Variants in SKOR2 observed in about 807,000 individuals in gnomAD.
The protein encoded by SKOR2 is LBX1 corepressor 1-like protein.
In SKOR2, 47 loss-of-function variants were observed where a neutral mutation model predicts 69.1. The observed-to-expected ratio is 0.68, with a 90% CI of 0.54 to 0.87. The LOEUF (loss-of-function observed/expected upper bound fraction) is 0.87. Ranked by LOEUF, SKOR2 falls within the 40% of genes least tolerant of loss-of-function variation. The probability of loss-of-function intolerance (pLI) is 0.00; values close to 1 mark genes in which losing one functional copy is unlikely to be tolerated. For synonymous variants in SKOR2, 717 were observed against 672.6 expected (o/e 1.07, Z -1.02); for missense variants, 1,404 against 1,472.2 (o/e 0.95, Z 0.76).
At chr18:47,209,508 A>T (rs1203824828) in intron 8 of SKOR2, among the ~76,000 whole-genome samples, 1 of 152,224 alleles carries the variant, frequency 6.6e-6, no homozygotes, top group Admixed American at 6.5e-5. Context: ...TTAGCTAAGC[A>T]TTTAAGTAAC....
At chr18:47,244,049 A>T (rs556341388) in intron 4 of SKOR2, among the ~76,000 whole-genome samples, 112 of 152,364 alleles carry the variant, frequency 7.4e-4, no homozygotes, top group African/African-American at 2.5e-3. Flanking sequence ...GCCTTTTGCC[A>T]TTAAAAATAT....
rs2064114072 is a variant in SKOR2 at position 47,206,668 on chromosome 18, A to C, written c.*228T>G. ...CCACCAAAAGATGCAACAAGCATTG[A>C]CTGCTCTGGTTGGCTCCCCCCTCCC... On this transcript the variant is annotated 3_prime_UTR_variant, in exon 9 of 9. Transcript: ENST00000425639. 6.6e-6 allele frequency: 1 copy of C among 152,444 alleles called. No homozygotes were observed. The highest frequency in any genetic ancestry group is 1.5e-5 in the Non-Finnish European group (1 of 68,270). The allele number at this position is 152,444 out of a possible 1,614,324, so 9.4% of individuals were successfully genotyped here. A position where few individuals can be genotyped will look rare whatever the true frequency, so the allele number is the denominator to read the frequency against.
chr18:47,251,270 C>A (rs1461452917), intron 1 of SKOR2, 104 bp downstream of exon 1: 1 of 152,324 alleles, frequency 6.6e-6, no homozygotes, highest in Non-Finnish European at 1.5e-5. Context: ...CACGGAAGCC[C>A]ACCGCTGCCC....
At chr18:47,220,697 G>GA (rs1316846461) in intron 6 of SKOR2, among the ~76,000 whole-genome samples, 3 of 152,082 alleles carry the variant, frequency 2.0e-5, no homozygotes, top group Non-Finnish European at 4.4e-5. Context: ...TTGCATTAGG[G>GA]AAAAAATGAC....
At chr18:47,245,644 C>T in intron 2 of SKOR2, 83 bp from the exon 3 acceptor site, 1 of 1,308,598 alleles carries the variant, frequency 7.6e-7, no homozygotes, top group Admixed American at 3.0e-5. Context: ...GAAGAAGCAT[C>T]AATAAAAGTG....
Position 47,213,278 on chromosome 18 carries a change from C to G in SKOR2, c.2986-1127G>C, listed in dbSNP as rs1248298028. 2.6e-5 allele frequency among the ~76,000 whole-genome samples: 4 copies of G among 151,364 alleles called. No individual in the cohort carries two copies. The East Asian group carries it at 7.8e-4, about 29-fold the overall frequency. ...TACATGTAAAGAATGAATATTCACC[C>G]TTCTAGAATGTAATGTGAAATATGG... On this transcript the variant is annotated intron_variant, in intron 7 of 8. Transcript: ENST00000425639.
chr18:47,242,504 A>C (rs2072292189), intron 4 of SKOR2, among the ~76,000 whole-genome samples: 1 of 152,132 alleles, frequency 6.6e-6, no homozygotes, highest in South Asian at 2.1e-4. Context: ...TTTATAGAAA[A>C]TATTTTAAAC....
intron 7 of SKOR2, among the ~76,000 whole-genome samples, chr18:47,216,252 G>T (rs2064143571): frequency 6.6e-6 from 1 of 152,108 alleles, no homozygotes; most frequent in Non-Finnish European, 1.5e-5. Flanking sequence ...GGTTCATAGG[G>T]ATAGAAAAAT....
chr18:47,222,446 G>A (rs1194030678), intron 6 of SKOR2, among the ~76,000 whole-genome samples: 6 of 152,146 alleles, frequency 3.9e-5, no homozygotes, highest in Admixed American at 1.3e-4. Flanking sequence ...ACAATTAGGC[G>A]AAAGGTACCA....
chr18:47,248,456 G>A lies in SKOR2; in HGVS notation c.728C>T (p.Ala243Val), dbSNP rs1383629924. ...GGGGTGCGCGCCCGGCTGGGGCAGT[G>A]CGCGCTTGCGGCTGCCGCCGTTGAA... ...AMFNGGSRKR[A>V]LPQPGAHPAC... Residue 243 changes from alanine (A) to valine (V), a missense_variant, in exon 2 of 9, where the codon GCA (alanine) becomes GTA (valine). Coordinates refer to ENST00000425639, the MANE Select transcript of SKOR2 (RefSeq NM_001278063.4). The surrounding 1 kb of genome is among the most constrained non-coding windows in gnomAD (Gnocchi z 6.4). The A allele has an allele frequency of 1.3e-6, 2 of 1,535,674 alleles. No homozygotes were observed. Among genetic ancestry groups the A allele is most frequent in the Non-Finnish European group, 1.7e-6 (2 of 1,146,552 alleles).
chr18:47,249,217 G>C lies in SKOR2; in HGVS notation c.-34C>G. 1 of 1,523,602 alleles carries C rather than the reference G, an allele frequency of 6.6e-7. No individual in the cohort carries two copies. The highest frequency in any genetic ancestry group is 8.8e-7 in the Non-Finnish European group (1 of 1,140,760). The allele number at this position is 1,523,602 out of a possible 1,614,324, so 94.4% of individuals were successfully genotyped here. ...CAGAACCCCGGGCCGAGCCCTACAG[G>C]TCTGCCTTGGACACTGGAAGGGAAA... On this transcript the variant is annotated 5_prime_UTR_variant, in exon 2 of 9. Transcript: ENST00000425639.
Position 47,210,051 on chromosome 18 carries a change from C to T in SKOR2, c.*3+2035G>A, listed in dbSNP as rs142795335. On this transcript the variant is annotated intron_variant, in intron 8 of 8. Transcript: ENST00000425639. ...GTGATCGCATCACTGCAACTCCAGT[C>T]TGGGTAGAAGAGTGAGACCCTGTCT... Among the ~76,000 whole-genome samples the T allele has an allele frequency of 2.0e-5, 3 of 152,160 alleles. No individual in the cohort carries two copies. The East Asian group carries it at 5.8e-4, about 29-fold the overall frequency.
chr18:47,248,085 C>T lies in SKOR2; in HGVS notation c.1099G>A (p.Gly367Arg). 2 of 1,380,708 alleles carry T rather than the reference C, an allele frequency of 1.4e-6. No homozygotes were observed. Among genetic ancestry groups the T allele is most frequent in the Non-Finnish European group, 1.9e-6 (2 of 1,069,630 alleles). The allele number at this position is 1,380,708 out of a possible 1,614,324, so 85.5% of individuals were successfully genotyped here. Residue 367 changes from glycine to arginine, a missense_variant, in exon 2 of 9, where the codon GGG becomes AGG. Around this residue, in one of 3 missense-constraint regions of SKOR2, gnomAD observed 1,266 missense variants for 1,309.9 expected, o/e 0.97. Transcript: ENST00000425639. This position sits in a 1 kb window ranked among gnomAD's most constrained non-coding sequence, Gnocchi z 6.4. Reference sequence around the variant, plus strand: ...TTGGCCCCTGCCCCGGCACCCGCCCCCGCGCCCGCGCCCACGCCCACGCCG... The same window carrying T: ...TTGGCCCCTGCCCCGGCACCCGCCCTCGCGCCCGCGCCCACGCCCACGCCG... Reference protein sequence around the residue: ...VAGVGVGAGAGAGAGAGAKGP... With the variant: ...VAGVGVGAGARAGAGAGAKGP...
In SKOR2 at chr18:47,210,756, G is replaced by C. The variant is rs546609189; in HGVS notation, c.*3+1330C>G. On this transcript the variant is annotated intron_variant, in intron 8 of 8. Transcript: ENST00000425639. ...CATTTGTGAATAACTTCATAGAGAT[G>C]GAAACAGAATGACTTACTCTCTGAG... 2.0e-5 allele frequency among the ~76,000 whole-genome samples: 3 copies of C among 152,182 alleles called. No individual in the cohort carries two copies. In the South Asian group the frequency reaches 6.2e-4, roughly 32 times the overall value.
chr18:47,206,315 A>T lies in SKOR2; in HGVS notation c.*581T>A, dbSNP rs560001653. ...TGTAAAATATTTCCAAAGGAATACA[A>T]TCCTCATTCATACAGCAGGCAAAGT... is the stretch of plus-strand genomic sequence containing the variant. On this transcript the variant is annotated 3_prime_UTR_variant, in exon 9 of 9. Transcript: ENST00000425639. The T allele has an allele frequency of 1.3e-5, 2 of 152,162 alleles. No individual in the cohort carries two copies. Among genetic ancestry groups the T allele is most frequent in the African/African-American group, 4.8e-5 (2 of 41,424 alleles). 9.4% of individuals were successfully genotyped at this position (152,162 alleles called of 1,614,324 possible). A position where few individuals can be genotyped will look rare whatever the true frequency, so the allele number is the denominator to read the frequency against.
chr18:47,212,247 C>A, intron 7 of SKOR2, 96 bp from the exon 8 acceptor site: 1 of 1,102,346 alleles, frequency 9.1e-7, no homozygotes, highest in Non-Finnish European at 1.1e-6. Context: ...ATTTGAATGC[C>A]AATAGATCCT....
chr18:47,232,261 C>T (rs1438709617), intron 4 of SKOR2, among the ~76,000 whole-genome samples: 1 of 152,204 alleles, frequency 6.6e-6, no homozygotes, highest in East Asian at 1.9e-4. Context: ...AACTGCTCTT[C>T]CTCGACCAAA....
chr18:47,215,992 C>T (rs2144480862), intron 7 of SKOR2, among the ~76,000 whole-genome samples: 1 of 152,282 alleles, frequency 6.6e-6, no homozygotes, highest in South Asian at 2.1e-4. Context: ...ATCAAGGCAT[C>T]ATCACAGTCT....
At chr18:47,244,830 T>G in intron 4 of SKOR2, 78 bp downstream of exon 4, 1 of 1,325,150 alleles carries the variant, frequency 7.5e-7, no homozygotes, top group Non-Finnish European at 1.0e-6. Flanking sequence ...GTACTAAATA[T>G]TCAGTCTTTT....
Sources: gnomAD v4.1 joint callset for allele counts (sites outside exome capture counted in the v4.1 genomes callset) on GRCh38, gnomAD v4.1.1 for gene constraint, gnomAD v4.1.1 regional missense constraint, Gnocchi (gnomAD v3.1) non-coding constraint, MANE v1.5 for transcripts, NCBI Gene and HGNC (gene_info 2026-07-23, HGNC 2026-07-21) for gene names.